GABRG2: variants seen among roughly 807,000 people sequenced by gnomAD.
The protein encoded by GABRG2 is gamma-aminobutyric acid type A receptor subunit gamma2, also known as gamma-aminobutyric acid receptor subunit gamma-2.
In GABRG2, 16 loss-of-function variants were observed where a neutral mutation model predicts 56.4. The ratio of observed to expected loss-of-function variants is 0.28; its 90% CI spans 0.19 to 0.43. The LOEUF is 0.43. Ranked by LOEUF, GABRG2 falls within the 20% of genes least tolerant of loss-of-function variation. The pLI is 1.00. For missense variants in GABRG2, 327 were observed against 582.7 expected (o/e 0.56, Z 4.52); for synonymous variants, 208 against 205.5 (o/e 1.01, Z -0.10).
chr5:162,095,664 T>G (rs1760946473), intron 3 of GABRG2, 102 bp downstream of exon 3: 1 of 783,540 alleles, frequency 1.3e-6, no homozygotes, highest in Admixed American at 2.1e-5. Flanking sequence ...AAAATTTAAG[T>G]TTAAAACTTT....
chr5:162,143,966 A>G (rs996812013), intron 7 of GABRG2, among the ~76,000 whole-genome samples: 4 of 152,238 alleles, frequency 2.6e-5, no homozygotes, highest in African/African-American at 7.2e-5. Context: ...CATCTGTTTC[A>G]AAAGAAAGTT....
At chr5:162,115,555 G>T (rs1376309306) in intron 6 of GABRG2, among the ~76,000 whole-genome samples, 1 of 152,098 alleles carries the variant, frequency 6.6e-6, no homozygotes, top group Non-Finnish European at 1.5e-5. Context: ...ACATAGACCT[G>T]CCATGAGTGG....
At chr5:162,076,047 G>T (rs1759079295) in intron 1 of GABRG2, among the ~76,000 whole-genome samples, 1 of 152,028 alleles carries the variant, frequency 6.6e-6, no homozygotes, top group African/African-American at 2.4e-5. Flanking sequence ...AGCTTCTTGG[G>T]AGGCTAATTC....
At chr5:162,109,695 G>A (rs1236326145) in intron 6 of GABRG2, among the ~76,000 whole-genome samples, 1 of 151,818 alleles carries the variant, frequency 6.6e-6, no homozygotes, top group Non-Finnish European at 1.5e-5. Context: ...TACATAATGT[G>A]GAATGCTATT....
intron 6 of GABRG2, among the ~76,000 whole-genome samples, chr5:162,136,369 G>T (rs961970630): frequency 6.6e-6 from 1 of 152,042 alleles, no homozygotes; most frequent in African/African-American, 2.4e-5. Flanking sequence ...CTTGAAATGT[G>T]GTTTGTGTAA....
At chr5:162,069,792 T>G (rs1399938221) in intron 1 of GABRG2, among the ~76,000 whole-genome samples, 2 of 152,190 alleles carry the variant, frequency 1.3e-5, no homozygotes, top group African/African-American at 4.8e-5. Context: ...GATTCAAAAT[T>G]TGAATTCATT....
rs926998808 is a variant in GABRG2, at chr5:162,109,416, A to T, written c.769+5390A>T. Among the ~76,000 whole-genome samples, 575 of 87,530 alleles carry T rather than the reference A, an allele frequency of 6.6e-3. 8 individuals are homozygous for T. Among genetic ancestry groups the T allele is most frequent in the African/African-American group, 0.02 (529 of 26,450 alleles). The allele number at this position is 87,530 out of a possible 152,430, so 57.4% of individuals were successfully genotyped here. ...TATATATATATATATATATATATAT[A>T]TATATATTTATTTATATAAAATGAA... On this transcript the variant is annotated intron_variant, in intron 6 of 9. Coordinates refer to ENST00000639213, the MANE Select transcript of GABRG2 (RefSeq NM_198904.4).
chr5:162,114,150 CT>C (rs759774257), intron 6 of GABRG2, among the ~76,000 whole-genome samples: 10 of 152,108 alleles, frequency 6.6e-5, no homozygotes, highest in Non-Finnish European at 1.3e-4. Context: ...TGAGAAAGCC[CT>C]CATTCCCATG....
intron 6 of GABRG2, among the ~76,000 whole-genome samples, chr5:162,141,228 G>A (rs1023677322): frequency 5.3e-5 from 8 of 152,008 alleles, no homozygotes; most frequent in Admixed American, 1.3e-4. Context: ...TAGTAGAGAC[G>A]GGGTTTCACC....
chr5:162,078,462 A>G (rs1759372167), intron 1 of GABRG2, among the ~76,000 whole-genome samples: 1 of 118,714 alleles, frequency 8.4e-6, no homozygotes, highest in Non-Finnish European at 1.6e-5. Context: ...GCTGGAGTGC[A>G]GTGGCTTGAT....
At chr5:162,145,786 G>A (rs905934801) in intron 7 of GABRG2, among the ~76,000 whole-genome samples, 2 of 152,084 alleles carry the variant, frequency 1.3e-5, no homozygotes, top group African/African-American at 4.8e-5. Context: ...TTCACTTGTC[G>A]AGGGTCAAGT....
intron 6 of GABRG2, among the ~76,000 whole-genome samples, chr5:162,111,788 G>T (rs1381728042): frequency 6.6e-6 from 1 of 152,034 alleles, no homozygotes; most frequent in Non-Finnish European, 1.5e-5. Context: ...ACTCCATAAA[G>T]AAATGAATTA....
chr5:162,097,018 A>G (rs770833024), intron 3 of GABRG2, among the ~76,000 whole-genome samples: 16 of 152,036 alleles, frequency 1.1e-4, no homozygotes, highest in Non-Finnish European at 1.9e-4. Flanking sequence ...GCCCTTTTCT[A>G]TCCTAACACG....
intron 7 of GABRG2, among the ~76,000 whole-genome samples, chr5:162,144,710 AG>A (rs1396820076): frequency 1.3e-5 from 2 of 152,148 alleles, no homozygotes; most frequent in African/African-American, 4.8e-5. Flanking sequence ...TCTGCACCTC[AG>A]CTGATGAGAC....
chr5:162,115,362 A>G (rs905650862), intron 6 of GABRG2, among the ~76,000 whole-genome samples: 8 of 152,158 alleles, frequency 5.3e-5, no homozygotes, highest in Non-Finnish European at 1.5e-5. Context: ...TGCGTTCTCT[A>G]TGTCCCCTAG....
chr5:162,126,703 C>A (rs1763364239), intron 6 of GABRG2, among the ~76,000 whole-genome samples: 1 of 151,958 alleles, frequency 6.6e-6, no homozygotes, highest in African/African-American at 2.4e-5. Flanking sequence ...AACATTATAG[C>A]CACATGAACT....
intron 5 of GABRG2, chr5:162,102,453 C>G (rs939522080): frequency 1.8e-5 from 8 of 452,614 alleles, no homozygotes; most frequent in Non-Finnish European, 3.5e-5. Flanking sequence ...TTTAATATTA[C>G]TCATTGCTAT....
chr5:162,148,911 T>C (rs370057095), intron 7 of GABRG2, among the ~76,000 whole-genome samples, 197 bp from the exon 8 acceptor site: 1 of 152,224 alleles, frequency 6.6e-6, no homozygotes, highest in East Asian at 1.9e-4. Flanking sequence ...TATTCATCAG[T>C]GTTTGTCATT....
chr5:162,072,429 T>C (rs141377051), intron 1 of GABRG2, among the ~76,000 whole-genome samples: 81 of 152,178 alleles, frequency 5.3e-4, no homozygotes, highest in East Asian at 2.1e-3. Context: ...AAAGTTATAA[T>C]CAGAGTAGTT....
Sources: gnomAD v4.1 joint callset for allele counts (sites outside exome capture counted in the v4.1 genomes callset) on GRCh38, gnomAD v4.1.1 for gene constraint, MANE v1.5 for transcripts, NCBI Gene and HGNC (gene_info 2026-07-23, HGNC 2026-07-21) for gene names.